The following MACROD2 variants were observed in gnomAD, a reference collection of about 807,000 sequenced individuals.
The protein encoded by MACROD2 is ADP-ribose glycohydrolase MACROD2.
A neutral mutation model predicts 70.4 loss-of-function variants in MACROD2; 36 were observed. That is an observed-to-expected ratio of 0.51 (90% CI 0.39 to 0.68). MACROD2 has a LOEUF of 0.68. Ranked by LOEUF, MACROD2 falls within the 30% of genes least tolerant of loss-of-function variation. MACROD2 has a pLI of 0.00. For synonymous variants in MACROD2, 172 were observed against 178.8 expected (o/e 0.96, Z 0.30); for missense variants, 496 against 538.4 (o/e 0.92, Z 0.78).
chr20:15,818,663 G>C (rs2063902706), intron 8 of MACROD2, among the ~76,000 whole-genome samples: 1 of 152,046 alleles, frequency 6.6e-6, no homozygotes. Context: ...TGGGGATGCA[G>C]CCCAGCAGGT....
chr20:14,175,964 G>A (rs577899452), intron 3 of MACROD2, among the ~76,000 whole-genome samples: 1 of 152,230 alleles, frequency 6.6e-6, no homozygotes, highest in Non-Finnish European at 1.5e-5. Context: ...AATTTTTCAT[G>A]CATTACTTAT....
chr20:15,826,087 A>G (rs746903543), intron 8 of MACROD2, among the ~76,000 whole-genome samples: 35 of 152,360 alleles, frequency 2.3e-4, no homozygotes, highest in Non-Finnish European at 4.3e-4. Context: ...AACATCTGTG[A>G]TTATAAAGAA....
intron 3 of MACROD2, among the ~76,000 whole-genome samples, chr20:14,430,063 C>T (rs941166735): frequency 2.6e-5 from 4 of 152,138 alleles, no homozygotes; most frequent in Non-Finnish European, 4.4e-5. Context: ...CAAACTAAAA[C>T]GGTTTGTTAG....
chr20:14,766,002 C>G (rs1485975405), intron 5 of MACROD2, among the ~76,000 whole-genome samples: 1 of 152,106 alleles, frequency 6.6e-6, no homozygotes, highest in Non-Finnish European at 1.5e-5. Context: ...ACATTGCCTT[C>G]CTCTTCTCTG....
At chr20:15,927,703 C>T (rs1206655157) in intron 10 of MACROD2, among the ~76,000 whole-genome samples, 3 of 152,146 alleles carry the variant, frequency 2.0e-5, no homozygotes, top group Non-Finnish European at 4.4e-5. Context: ...GCACATGAGG[C>T]TCTTCATTAA....
intron 8 of MACROD2, among the ~76,000 whole-genome samples, chr20:15,537,140 A>G (rs536433037): frequency 5.3e-5 from 8 of 152,262 alleles, no homozygotes; most frequent in African/African-American, 1.9e-4. Flanking sequence ...CCATCATACT[A>G]TTCTTGTGGT....
chr20:14,410,267 G>A (rs1473057898), intron 3 of MACROD2, among the ~76,000 whole-genome samples: 1 of 143,886 alleles, frequency 6.9e-6, no homozygotes. Flanking sequence ...GAGTACACGT[G>A]TAAGTCTATT....
intron 5 of MACROD2, among the ~76,000 whole-genome samples, chr20:15,221,075 A>G (rs1388842818): frequency 1.3e-5 from 2 of 152,106 alleles, no homozygotes; most frequent in African/African-American, 2.4e-5. Flanking sequence ...TAGATTCTGC[A>G]TTTGTAGAAT....
intron 4 of MACROD2, among the ~76,000 whole-genome samples, chr20:14,645,469 A>G (rs1985336438): frequency 6.6e-6 from 1 of 152,042 alleles, no homozygotes; most frequent in African/African-American, 2.4e-5. Context: ...GTATATAACT[A>G]AAGTAATATG....
chr20:14,729,468 G>C (rs775160553), intron 5 of MACROD2, among the ~76,000 whole-genome samples: 1 of 152,124 alleles, frequency 6.6e-6, no homozygotes, highest in Non-Finnish European at 1.5e-5. Context: ...CTAAGTGAGA[G>C]CTGGAATCTG....
intron 5 of MACROD2, among the ~76,000 whole-genome samples, chr20:15,124,311 T>C (rs775788276): frequency 1.3e-5 from 2 of 151,514 alleles, no homozygotes; most frequent in South Asian, 2.1e-4. Context: ...TATTTAAAGA[T>C]TTTCTTTAAA....
In MACROD2 at chr20:14,073,334, C is replaced by CA. The variant is rs879879856; in HGVS notation, c.164-12275dup. Reference sequence around the variant, plus strand: ...CTGGTGACAGAGTGAGACTCCATCTCAAAAAAAAAAAATGAAATTATGATT... The same window carrying CA: ...CTGGTGACAGAGTGAGACTCCATCTCAAAAAAAAAAAAATGAAATTATGATT... On this transcript the variant is annotated intron_variant, in intron 2 of 17. Coordinates refer to ENST00000684519, the MANE Select transcript of MACROD2 (RefSeq NM_001351661.2). Among the ~76,000 whole-genome samples the CA allele has an allele frequency of 8.6e-3, 1,119 of 130,250 alleles. 16 individuals carry two copies. Among genetic ancestry groups the CA allele is most frequent in the African/African-American group, 0.027 (959 of 35,690 alleles). The allele number at this position is 130,250 out of a possible 152,430, so 85.4% of individuals were successfully genotyped here.
rs1043117115 is a variant in MACROD2, at chr20:15,547,513, C to A, written c.645+47666C>A. 2.6e-5 allele frequency among the ~76,000 whole-genome samples: 4 copies of A among 152,228 alleles called. No individual in the cohort carries two copies. The South Asian group carries it at 8.3e-4, about 32-fold the overall frequency. On this transcript the variant is annotated intron_variant, in intron 8 of 17. Transcript: ENST00000684519. ...AACTGGAAGACTAGCCCAGTTGTTG[C>A]CTTTACGTTTTTAAATAAGTGGAAT...
At chr20:14,815,682 A>G (rs1465967741) in intron 5 of MACROD2, among the ~76,000 whole-genome samples, 4 of 152,230 alleles carry the variant, frequency 2.6e-5, no homozygotes, top group Admixed American at 1.3e-4. Context: ...GCACTCAAGC[A>G]CAAGCGATCA....
chr20:14,667,574 AG>A (rs1369681873), intron 4 of MACROD2, among the ~76,000 whole-genome samples: 1 of 152,208 alleles, frequency 6.6e-6, no homozygotes, highest in Non-Finnish European at 1.5e-5. Context: ...TGTTAAATAT[AG>A]GGCTCCTTTG....
At chr20:14,058,216 A>G (rs2053652252) in intron 2 of MACROD2, among the ~76,000 whole-genome samples, 1 of 152,184 alleles carries the variant, frequency 6.6e-6, no homozygotes, top group Admixed American at 6.5e-5. Context: ...GTATGCTTCA[A>G]TAAAACTCAA....
At position 16,006,945 on chromosome 20, in the gene MACROD2, G is replaced by A. The variant is rs139782550; in HGVS notation, c.1153+19787G>A. On this transcript the variant is annotated intron_variant, in intron 15 of 17. Transcript: ENST00000684519. Reference sequence around the variant, plus strand: ...TTGAACAGTGATGCATAGGTATGGAGATGTGCCTGTATTAAATATTATACA... The same window carrying A: ...TTGAACAGTGATGCATAGGTATGGAAATGTGCCTGTATTAAATATTATACA... Among the ~76,000 whole-genome samples, 1,193 of 152,272 alleles carry A rather than the reference G, an allele frequency of 7.8e-3. 7 individuals carry two copies. The highest frequency in any genetic ancestry group is 0.014 in the Middle Eastern group (4 of 294).
intron 5 of MACROD2, among the ~76,000 whole-genome samples, chr20:15,202,149 G>A (rs1057004161): frequency 2.6e-5 from 4 of 152,106 alleles, no homozygotes; most frequent in Admixed American, 6.5e-5. Flanking sequence ...AAATTGAACC[G>A]TATAAAAAGT....
intron 8 of MACROD2, among the ~76,000 whole-genome samples, chr20:15,768,235 C>T (rs545300995): frequency 6.6e-6 from 1 of 152,096 alleles, no homozygotes; most frequent in South Asian, 2.1e-4. Flanking sequence ...GCACAAACAT[C>T]ATAGACTGTG....
Sources: allele counts gnomAD v4.1 joint callset (sites outside exome capture counted in the v4.1 genomes callset), GRCh38; gene constraint gnomAD v4.1.1; transcripts MANE v1.5; gene names NCBI Gene and HGNC (gene_info 2026-07-23, HGNC 2026-07-21).